Variants in ABL2 observed in about 807,000 individuals in gnomAD.
ABL2 encodes tyrosine-protein kinase ABL2.
ABL2 carries 49 observed loss-of-function variants against 107.7 expected under a neutral mutation model. That is an observed-to-expected ratio of 0.45 (90% CI 0.36 to 0.58). The LOEUF (loss-of-function observed/expected upper bound fraction) is 0.58, where lower values mean the gene tolerates loss of function less well. Ranked by LOEUF, ABL2 falls within the 20% of genes least tolerant of loss-of-function variation. The pLI, the probability that ABL2 is intolerant of heterozygous loss-of-function variation, is 0.00. For missense variants in ABL2, 1,245 were observed against 1,457.0 expected (o/e 0.85, Z 2.37); for synonymous variants, 549 against 548.6 (o/e 1.00, Z -0.01).
At chr1:179,214,499 G>A (rs1289466637) in intron 1 of ABL2, among the ~76,000 whole-genome samples, 2 of 126,890 alleles carry the variant, frequency 1.6e-5, no homozygotes, top group East Asian at 4.7e-4. Context: ...AAGATCAATG[G>A]AACAACAGTT....
At chr1:179,191,665 C>T (rs1302265011) in intron 1 of ABL2, among the ~76,000 whole-genome samples, 8 of 152,072 alleles carry the variant, frequency 5.3e-5, no homozygotes, top group Non-Finnish European at 4.4e-5. Flanking sequence ...CAGGTGATAT[C>T]CACCCACTTC....
In ABL2 at chr1:179,204,245, T is replaced by C. The variant is rs28991600; in HGVS notation, c.157+24996A>G. On this transcript the variant is annotated intron_variant, in intron 1 of 11. Transcript: ENST00000502732. ...TTTTGCCATGTTGGCCAGGCTGATC[T>C]CGAACTCCTGACCTCAGGTGATCCA... Among the ~76,000 whole-genome samples the C allele has an allele frequency of 3.1e-4, 47 of 151,812 alleles. No individual in the cohort carries two copies. In the Middle Eastern group the frequency reaches 0.017, roughly 55 times the overall value.
intron 1 of ABL2, among the ~76,000 whole-genome samples, chr1:179,178,519 A>G (rs990521373): frequency 6.6e-6 from 1 of 152,154 alleles, no homozygotes; most frequent in African/African-American, 2.4e-5. Flanking sequence ...TGTTTCAACT[A>G]AATGACCTTA....
chr1:179,113,745 G>A lies in ABL2; in HGVS notation c.1561+1133C>T, dbSNP rs1050557088. On this transcript the variant is annotated intron_variant, in intron 9 of 11. Transcript: ENST00000502732. Reference sequence around the variant, plus strand: ...AGATGGAGACCATCCTGGCTAACACGGTGAAACCCCGTCTCTACTAAAAAA... The same window carrying A: ...AGATGGAGACCATCCTGGCTAACACAGTGAAACCCCGTCTCTACTAAAAAA... 6.6e-5 allele frequency among the ~76,000 whole-genome samples: 10 copies of A among 151,526 alleles called. No homozygotes were observed. The East Asian group carries it at 9.9e-4, about 15-fold the overall frequency.
chr1:179,225,738 C>T lies in ABL2; in HGVS notation c.157+3503G>A, dbSNP rs552280016. 5.3e-5 allele frequency among the ~76,000 whole-genome samples: 8 copies of T among 152,066 alleles called. 1 individual carries two copies. In the South Asian group the frequency reaches 1.2e-3, roughly 24 times the overall value. On this transcript the variant is annotated intron_variant, in intron 1 of 11. Coordinates refer to ENST00000502732, the MANE Select transcript of ABL2 (RefSeq NM_007314.4). ...AGCCAGCCCAAAATATCAATGCCGC[C>T]GAGGTTAAGAAACTATGACGTGGCC...
intron 1 of ABL2, among the ~76,000 whole-genome samples, chr1:179,154,759 C>T (rs1228580287): frequency 6.6e-6 from 1 of 152,166 alleles, no homozygotes; most frequent in African/African-American, 2.4e-5. Context: ...AATAGCATCC[C>T]TTCTCATTAT....
intron 1 of ABL2, among the ~76,000 whole-genome samples, chr1:179,186,203 T>A (rs1660676058): frequency 6.6e-6 from 1 of 151,788 alleles, no homozygotes. Context: ...CGAGATGGCA[T>A]CACTGCACTC....
intron 1 of ABL2, among the ~76,000 whole-genome samples, chr1:179,220,697 C>T (rs930543157): frequency 6.6e-6 from 1 of 152,204 alleles, no homozygotes; most frequent in African/African-American, 2.4e-5. Context: ...GGATTTTAAG[C>T]CAGTCTGAAA....
At chr1:179,168,630 T>G (rs916619758) in intron 1 of ABL2, among the ~76,000 whole-genome samples, 1 of 152,242 alleles carries the variant, frequency 6.6e-6, no homozygotes, top group Non-Finnish European at 1.5e-5. Flanking sequence ...TATTTTCTTT[T>G]TGTGTACAGT....
Position 179,105,765 on chromosome 1 carries a change from A to C in ABL2, c.*1953T>G, listed in dbSNP as rs1233740010. ...GAAAACTCAATTTTGTTCTTGGTCA[A>C]AAATGCCAAACTCTATTCAAAACAT... is the stretch of plus-strand genomic sequence containing the variant. On this transcript the variant is annotated 3_prime_UTR_variant, in exon 12 of 12. Transcript: ENST00000502732. 4.4e-6 allele frequency: 1 copy of C among 226,392 alleles called. No individual in the cohort carries two copies. The highest frequency in any genetic ancestry group is 8.8e-6 in the Non-Finnish European group (1 of 113,830). The allele number at this position is 226,392 out of a possible 1,614,324, so 14.0% of individuals were successfully genotyped here. A position where few individuals can be genotyped will look rare whatever the true frequency, so the allele number is the denominator to read the frequency against.
At chr1:179,203,560 A>G (rs73044776) in intron 1 of ABL2, among the ~76,000 whole-genome samples, 14,369 of 152,028 alleles carry the variant, frequency 0.095, 715 homozygotes, top group African/African-American at 0.12. Context: ...TTCACTGCAA[A>G]TAAGAAAAAA....
intron 1 of ABL2, 66 bp from the exon 2 acceptor site, chr1:179,133,440 A>G: frequency 1.2e-6 from 2 of 1,613,018 alleles, no homozygotes; most frequent in Admixed American, 1.7e-5. Flanking sequence ...ACATCAAGCT[A>G]AAGTCTCCTT....
Position 179,108,826 on chromosome 1 carries a change from C to T in ABL2, c.2441G>A (p.Arg814Lys). 6.2e-7 allele frequency: 1 copy of T among 1,614,182 alleles called. No homozygotes were observed. The highest frequency in any genetic ancestry group is 8.5e-7 in the Non-Finnish European group (1 of 1,180,044). Residue 814 changes from arginine to lysine, a missense_variant, in exon 12 of 12, where the codon AGG becomes AAG. Arg to Lys is a conservative substitution (Grantham distance 26, BLOSUM62 2). Transcript: ENST00000502732. The part of the protein sequence containing the change: ...NCQRSKLQLE[R>K]TVSTSSQPEE... ...TGGCTGAGAAGAGGTGGACACTGTC[C>T]TTTCCAGCTGGAGTTTGGACCTCTG...
chr1:179,183,616 G>GT (rs1660508628), intron 1 of ABL2: 1 of 151,978 alleles, frequency 6.6e-6, no homozygotes, highest in Admixed American at 6.6e-5. Flanking sequence ...TAATACAAAC[G>GT]TAAGTTAAAA....
chr1:179,156,295 C>G (rs1439795816), intron 1 of ABL2, among the ~76,000 whole-genome samples: 2 of 152,206 alleles, frequency 1.3e-5, no homozygotes, highest in Non-Finnish European at 2.9e-5. Flanking sequence ...CACCTATTCA[C>G]TACCCTTATT....
At chr1:179,136,729 TAAATAAATAAATAA>T (rs1427476111) in intron 1 of ABL2, among the ~76,000 whole-genome samples, 54 of 147,550 alleles carry the variant, frequency 3.7e-4, no homozygotes, top group African/African-American at 1.3e-3. Flanking sequence ...AATAAATAAA[TAAATAAATAAATAA>T]AAATAAAAAT....
At position 179,109,104 on chromosome 1, in the gene ABL2, G is replaced by T. The variant is rs375297888; in HGVS notation, c.2163C>A (p.Ser721Arg). The T allele has an allele frequency of 6.8e-7, 1 of 1,464,724 alleles. No homozygotes were observed. The highest frequency in any genetic ancestry group is 9.1e-7 in the Non-Finnish European group (1 of 1,095,760). 90.7% of individuals were successfully genotyped at this position (1,464,724 alleles called of 1,614,324 possible). A position where few individuals can be genotyped will look rare whatever the true frequency, so the allele number is the denominator to read the frequency against. ...CATTACAGAGGTTCCTCTGTGCAAA[G>T]CTCCCCCCATAGCACTTGGGTGGCA... ...NLVPPKCYGG[S>R]FAQRNLCNDD... is the part of the protein sequence containing the mutation. Residue 721 changes from serine to arginine, a missense_variant, in exon 12 of 12, where the codon AGC becomes AGA. Ser to Arg is a moderately radical substitution (Grantham distance 110). This residue lies in a region of ABL2 where 761 missense variants were observed against 766.4 expected (regional missense o/e 0.99). Coordinates refer to ENST00000502732, the MANE Select transcript of ABL2 (RefSeq NM_007314.4).
At chr1:179,213,458 C>A (rs1214585475) in intron 1 of ABL2, among the ~76,000 whole-genome samples, 16 of 152,028 alleles carry the variant, frequency 1.1e-4, no homozygotes, top group Non-Finnish European at 1.3e-4. Context: ...CATGAGCCAC[C>A]GTGCCCAGCC....
rs1008484980 is a variant in ABL2, at chr1:179,108,378, C to G, written c.2889G>C (p.Glu963Asp). 6.2e-7 allele frequency: 1 copy of G among 1,614,104 alleles called. No homozygotes were observed. The highest frequency in any genetic ancestry group is 8.5e-7 in the Non-Finnish European group (1 of 1,180,056). Reference protein sequence around the residue: ...SQGNKFKLLSEHQVTSSGDKD... With the variant: ...SQGNKFKLLSDHQVTSSGDKD... The stretch of plus-strand genomic sequence containing the variant: ...TGTCTCCAGAGGATGTGACCTGATG[C>G]TCAGATAAGAGCTTGAATTTATTCC... The change falls in exon 12 of 12, where the codon GAG becomes GAC. Residue 963 changes from glutamate to aspartate, a missense_variant. Physicochemically the swap from Glu to Asp is conservative, Grantham distance 45 (BLOSUM62 2). Around this residue, in one of 3 missense-constraint regions of ABL2, gnomAD observed 761 missense variants for 766.4 expected, o/e 0.99. Transcript: ENST00000502732.
Sources: allele counts gnomAD v4.1 joint callset (sites outside exome capture counted in the v4.1 genomes callset), GRCh38; gene constraint gnomAD v4.1.1; regional missense constraint gnomAD v4.1.1; transcripts MANE v1.5; gene names NCBI Gene and HGNC (gene_info 2026-07-23, HGNC 2026-07-21).